Variants in CEMIP observed in about 807,000 individuals in gnomAD.
The protein encoded by CEMIP is cell migration-inducing and hyaluronan-binding protein.
Under a neutral mutation model 156.9 loss-of-function variants are expected in CEMIP, and 105 were observed. The ratio of observed to expected loss-of-function variants is 0.67; its 90% CI spans 0.57 to 0.79. The LOEUF is 0.79. Among genes scored for constraint, CEMIP ranks in the 30% least tolerant of loss-of-function variants. CEMIP has a pLI of 0.00. For missense variants in CEMIP, 1,457 were observed against 1,769.4 expected, an observed-to-expected ratio of 0.82 and a Z score of 3.17; for synonymous variants, 676 against 668.4, an observed-to-expected ratio of 1.01 and a Z score of -0.17.
Position 80,942,012 on chromosome 15 carries a change from G to A in CEMIP, c.3571G>A (p.Val1191Ile), listed in dbSNP as rs1431947266. 8.7e-6 allele frequency: 14 copies of A among 1,613,722 alleles called. No homozygotes were observed. Among genetic ancestry groups the A allele is most frequent in the African/African-American group, 1.3e-5 (1 of 74,808 alleles). The change falls in exon 26 of 30, where the codon GTA becomes ATA. Residue 1191 changes from valine (V) to isoleucine (I), a missense_variant. Physicochemically the swap from Val to Ile is conservative, Grantham distance 29. This residue lies in a region of CEMIP where 798 missense variants were observed against 980.1 expected (regional missense o/e 0.81). Transcript: ENST00000394685. ...CCCCAAGTTCACCGAGAGGGCTGTC[G>A]TAGACGTGCCGATGCCCAAGAAGCT... ...AYPKFTERAV[V>I]DVPMPKKLFG...
intron 29 of CEMIP, chr15:80,948,548 G>A: frequency 1.8e-6 from 1 of 554,590 alleles, no homozygotes; most frequent in Non-Finnish European, 3.3e-6. Flanking sequence ...TGGCTCCCCT[G>A]TCTACAACAA....
At chr15:80,785,903 TG>T (rs1227305151) in intron 1 of CEMIP, among the ~76,000 whole-genome samples, 1 of 152,222 alleles carries the variant, frequency 6.6e-6, no homozygotes, top group Non-Finnish European at 1.5e-5. Context: ...TGGGCTACAC[TG>T]GGCGCAAGAG....
At chr15:80,923,108 G>GAAT (rs1567102890) in intron 17 of CEMIP, among the ~76,000 whole-genome samples, 3 of 152,166 alleles carry the variant, frequency 2.0e-5, no homozygotes, top group Non-Finnish European at 4.4e-5. Flanking sequence ...TTATGCCTAG[G>GAAT]AGATAGGGTG....
chr15:80,942,965 C>G lies in CEMIP; in HGVS notation c.3720C>G (p.Pro1240=). 3.1e-6 allele frequency: 5 copies of G among 1,614,226 alleles called. No homozygotes were observed. Among genetic ancestry groups the G allele is most frequent in the Non-Finnish European group, 4.2e-6 (5 of 1,180,040 alleles). The change falls in exon 28 of 30, where the codon CCC becomes CCG. Residue 1240 remains proline (P), a synonymous_variant. Transcript: ENST00000394685. Reference sequence around the variant, plus strand: ...TGTAGGTGGATGGGAAGAAGTACCCCAGTTCGGAGGATGGCATCCAGGTGG... The same window carrying G: ...TGTAGGTGGATGGGAAGAAGTACCCGAGTTCGGAGGATGGCATCCAGGTGG... ...AYIEVDGKKY[P]SSEDGIQVVV...
intron 23 of CEMIP, among the ~76,000 whole-genome samples, chr15:80,933,966 T>C (rs1332773353): frequency 3.3e-5 from 5 of 152,238 alleles, no homozygotes; most frequent in Non-Finnish European, 5.9e-5. Flanking sequence ...TTAATTGTAT[T>C]AAAAATACTA....
At chr15:80,898,779 C>T (rs2141867013) in intron 12 of CEMIP, among the ~76,000 whole-genome samples, 1 of 152,296 alleles carries the variant, frequency 6.6e-6, no homozygotes, top group South Asian at 2.1e-4. Context: ...GTCTCCAGTG[C>T]CTCAAGGTGT....
chr15:80,849,308 A>G lies in CEMIP; in HGVS notation c.-175-24230A>G, dbSNP rs191870752. Among the ~76,000 whole-genome samples, 4 of 152,142 alleles carry G rather than the reference A, an allele frequency of 2.6e-5. No individual in the cohort carries two copies. In the East Asian group the frequency reaches 7.8e-4, roughly 29 times the overall value. ...TCTCTTTAAAATATGTCTAGAGTCC[A>G]TGTCTCTCTCTTGATCTCCGGACTC... On this transcript the variant is annotated intron_variant, in intron 1 of 29. Coordinates refer to ENST00000394685, the MANE Select transcript of CEMIP (RefSeq NM_001293298.2).
chr15:80,784,922 C>T (rs147602663), intron 1 of CEMIP, among the ~76,000 whole-genome samples: 12 of 152,180 alleles, frequency 7.9e-5, no homozygotes, highest in Admixed American at 5.9e-4. Flanking sequence ...AGTCAGTTCC[C>T]GTTGTCCGAG....
chr15:80,879,763 C>T lies in CEMIP; in HGVS notation c.289C>T (p.Arg97Trp), dbSNP rs775636535. 17 of 1,614,172 alleles carry T rather than the reference C, an allele frequency of 1.1e-5. No individual in the cohort carries two copies. Among genetic ancestry groups the T allele is most frequent in the South Asian group, 2.2e-5 (2 of 91,084 alleles). The change falls in exon 5 of 30, where the codon CGG becomes TGG. Residue 97 changes from arginine (R) to tryptophan (W), a missense_variant. Arg to Trp is a moderately radical substitution (Grantham distance 101). This residue lies in a region of CEMIP where 309 missense variants were observed against 340.8 expected (regional missense o/e 0.91). Transcript: ENST00000394685. ...DHDEPIVLRT[R>W]HILIDNGGEL... ...CGACGAGCCGATTGTTTTGCGAACC[C>T]GGCACATCCTGATTGACAACGGAGG...
chr15:80,859,335 C>A (rs923090808), intron 1 of CEMIP, among the ~76,000 whole-genome samples: 1 of 152,240 alleles, frequency 6.6e-6, no homozygotes, highest in Non-Finnish European at 1.5e-5. Flanking sequence ...TTGAATGTAG[C>A]ACCTTCTCCC....
chr15:80,900,844 A>G, intron 12 of CEMIP: 1 of 435,002 alleles, frequency 2.3e-6, no homozygotes, highest in Non-Finnish European at 4.6e-6. Context: ...GGACACAGCT[A>G]TCTCTTAGGC....
At position 80,906,910 on chromosome 15, in the gene CEMIP, C is replaced by G. The variant is rs1899831740; in HGVS notation, c.1587+72C>G. The G allele has an allele frequency of 2.0e-6, 3 of 1,510,414 alleles. No individual in the cohort carries two copies. The highest frequency in any genetic ancestry group is 1.2e-5 in the South Asian group (1 of 83,426). 93.6% of individuals were successfully genotyped at this position (1,510,414 alleles called of 1,614,324 possible). Reference sequence around the variant, plus strand: ...CTATGATGTCAGCCTCTAGACGGGCCTTCTTGGTAGGGATGAGGGTGGGGG... The same window carrying G: ...CTATGATGTCAGCCTCTAGACGGGCGTTCTTGGTAGGGATGAGGGTGGGGG... On this transcript the variant is annotated intron_variant, in intron 13 of 29. Transcript: ENST00000394685. This position sits in a 1 kb window ranked among gnomAD's most constrained non-coding sequence, Gnocchi z 4.3.
intron 1 of CEMIP, among the ~76,000 whole-genome samples, chr15:80,781,909 C>G (rs1395566709): frequency 6.6e-6 from 1 of 152,084 alleles, no homozygotes; most frequent in Non-Finnish European, 1.5e-5. Context: ...GTTCACCATC[C>G]CTTTGCCCTC....
chr15:80,936,785 C>G lies in CEMIP; in HGVS notation c.3121C>G (p.Gln1041Glu), dbSNP rs908364549. 2 of 1,614,064 alleles carry G rather than the reference C, an allele frequency of 1.2e-6. No individual in the cohort carries two copies. Among genetic ancestry groups the G allele is most frequent in the Admixed American group, 3.3e-5 (2 of 60,006 alleles). ...GGCGCTCACCAGGAGCACCCATTACCAGCAATACCAACCGGTTGTCACCCT... is the reference window on the plus strand; with the variant it reads ...GGCGCTCACCAGGAGCACCCATTACGAGCAATACCAACCGGTTGTCACCCT... Reference protein sequence around the residue: ...EGALTRSTHYQQYQPVVTLQK... With the variant: ...EGALTRSTHYEQYQPVVTLQK... Residue 1041 changes from glutamine (Q) to glutamate (E), a missense_variant, in exon 24 of 30, where the codon CAG becomes GAG. This residue lies in a region of CEMIP where 798 missense variants were observed against 980.1 expected (regional missense o/e 0.81). Coordinates refer to ENST00000394685, the MANE Select transcript of CEMIP (RefSeq NM_001293298.2).
intron 3 of CEMIP, among the ~76,000 whole-genome samples, chr15:80,874,335 C>A (rs1429148583): frequency 2.6e-5 from 4 of 152,184 alleles, no homozygotes; most frequent in African/African-American, 9.7e-5. Flanking sequence ...ATCGCTACTG[C>A]GGGAAGGTGG....
chr15:80,926,564 A>G (rs1251559353), intron 19 of CEMIP, among the ~76,000 whole-genome samples: 4 of 151,656 alleles, frequency 2.6e-5, no homozygotes, highest in Non-Finnish European at 5.9e-5. Flanking sequence ...TGACAGAGAG[A>G]GCAAGAGAGA....
At chr15:80,931,792 C>T (rs1900921289) in intron 21 of CEMIP, 67 bp from the exon 22 acceptor site, 2 of 1,525,774 alleles carry the variant, frequency 1.3e-6, no homozygotes, top group East Asian at 2.2e-5. Flanking sequence ...AGACTGACGT[C>T]TTACTTCCTT....
rs1007410897 is a variant in CEMIP, at chr15:80,906,034, G to A, written c.1412-629G>A. On this transcript the variant is annotated intron_variant, in intron 12 of 29. Coordinates refer to ENST00000394685, the MANE Select transcript of CEMIP (RefSeq NM_001293298.2). The surrounding 1 kb of genome is among the most constrained non-coding windows in gnomAD (Gnocchi z 4.3). Reference sequence around the variant, plus strand: ...GCTGTAGATACACACTCTACATGAGGCTGAGGTAAGCAGAATAGGGATTTG... The same window carrying A: ...GCTGTAGATACACACTCTACATGAGACTGAGGTAAGCAGAATAGGGATTTG... Among the ~76,000 whole-genome samples, 2 of 152,234 alleles carry A rather than the reference G, an allele frequency of 1.3e-5. No homozygotes were observed. Among genetic ancestry groups the A allele is most frequent in the African/African-American group, 4.8e-5 (2 of 41,462 alleles).
chr15:80,918,361 T>G (rs1421252552), intron 14 of CEMIP, among the ~76,000 whole-genome samples: 2 of 152,230 alleles, frequency 1.3e-5, no homozygotes, highest in Non-Finnish European at 2.9e-5. Context: ...TCTGTCACCC[T>G]TCCTCCCTCC....
Sources: allele counts gnomAD v4.1 joint callset (sites outside exome capture counted in the v4.1 genomes callset), GRCh38; gene constraint gnomAD v4.1.1; regional missense constraint gnomAD v4.1.1; non-coding constraint Gnocchi (gnomAD v3.1); transcripts MANE v1.5; gene names NCBI Gene and HGNC (gene_info 2026-07-23, HGNC 2026-07-21).